SMARCA4: variants seen among roughly 807,000 people sequenced by gnomAD.
SMARCA4 encodes the protein SWI/SNF related BAF chromatin remodeling complex subunit ATPase 4.
Under a neutral mutation model 193.9 loss-of-function variants are expected in SMARCA4, and 31 were observed. The observed-to-expected ratio is 0.16, with a 90% CI of 0.12 to 0.22. The LOEUF is 0.22. Ranked by LOEUF, SMARCA4 falls within the 10% of genes least tolerant of loss-of-function variation. The pLI, the probability that SMARCA4 is intolerant of heterozygous loss-of-function variation, is 1.00. For missense variants in SMARCA4, 1,148 were observed against 2,296.0 expected (o/e 0.50, Z 10.22); for synonymous variants, 942 against 933.1 (o/e 1.01, Z -0.17).
chr19:10,980,149 T>C (rs2145663243), intron 1 of SMARCA4, among the ~76,000 whole-genome samples: 1 of 152,226 alleles, frequency 6.6e-6, no homozygotes, highest in Middle Eastern at 3.4e-3. Flanking sequence ...GGGATCCCCT[T>C]TACTGTCACT....
chr19:10,969,279 G>A (rs1445842921), intron 1 of SMARCA4, among the ~76,000 whole-genome samples: 1 of 152,102 alleles, frequency 6.6e-6, no homozygotes, highest in Non-Finnish European at 1.5e-5. Flanking sequence ...TTATGTTTTA[G>A]GTTTTACTTT....
chr19:10,970,385 G>C (rs1481064985), intron 1 of SMARCA4, among the ~76,000 whole-genome samples: 1 of 152,200 alleles, frequency 6.6e-6, no homozygotes, highest in African/African-American at 2.4e-5. Flanking sequence ...ACCCTGGGAT[G>C]TGCAAATGGC....
At chr19:11,035,651 G>A (rs1259362082) in intron 29 of SMARCA4, among the ~76,000 whole-genome samples, 3 of 152,246 alleles carry the variant, frequency 2.0e-5, no homozygotes, top group East Asian at 3.9e-4. Context: ...GGTGCTGCAC[G>A]GGGCTGGCAG....
chr19:11,044,450 A>G (rs561123454), intron 30 of SMARCA4, among the ~76,000 whole-genome samples: 98 of 152,264 alleles, frequency 6.4e-4, no homozygotes, highest in South Asian at 1.7e-3. Context: ...AAAAGACAAC[A>G]CAATTTAAAG....
Position 11,030,669 on chromosome 19 carries a change from G to C in SMARCA4, c.3383-61G>C, listed in dbSNP as rs146785959. ...CTGCTCTCAGAAGCAGGTGTTCCTT[G>C]GTGTCCCCACTCTACCCCTGAGGTC... is the stretch of plus-strand genomic sequence containing the variant. On this transcript the variant is annotated intron_variant, in intron 24 of 34. Transcript: ENST00000344626. The surrounding 1 kb of genome is among the most constrained non-coding windows in gnomAD (Gnocchi z 5.5). 12,379 of 1,487,454 alleles carry C rather than the reference G, an allele frequency of 8.3e-3. 70 individuals are homozygous for C. The highest frequency in any genetic ancestry group is 0.01 in the Non-Finnish European group (11,011 of 1,083,998). 92.1% of individuals were successfully genotyped at this position (1,487,454 alleles called of 1,614,324 possible).
Position 11,041,625 on chromosome 19 carries a change from C to T in SMARCA4, c.4424+65C>T, listed in dbSNP as rs2146827001. The T allele has an allele frequency of 1.4e-6, 2 of 1,425,364 alleles. No individual in the cohort carries two copies. The highest frequency in any genetic ancestry group is 1.2e-5 in the South Asian group (1 of 85,772). 88.3% of individuals were successfully genotyped at this position (1,425,364 alleles called of 1,614,324 possible). ...CCCGTGGGAGCAGGCCTGGCATCTG[C>T]ACTCTGACTCTGCACACTCAGGCTT... On this transcript the variant is annotated intron_variant, in intron 30 of 34. Coordinates refer to ENST00000344626, the MANE Select transcript of SMARCA4 (RefSeq NM_003072.5). The surrounding 1 kb of genome is among the most constrained non-coding windows in gnomAD (Gnocchi z 5.6).
rs961149271 is a variant in SMARCA4 at position 11,034,810 on chromosome 19, C to T, written c.3952-104C>T. 32 of 784,258 alleles carry T rather than the reference C, an allele frequency of 4.1e-5. No homozygotes were observed. The Admixed American group carries it at 6.2e-4, about 15-fold the overall frequency. 48.6% of individuals were successfully genotyped at this position (784,258 alleles called of 1,614,324 possible). A position where few individuals can be genotyped will look rare whatever the true frequency, so the allele number is the denominator to read the frequency against. Reference sequence around the variant, plus strand: ...TTTAACTCTCGCAGCAGCGTGGAGCCCCACGGGCAGAGAAAGGCCCTTCTG... The same window carrying T: ...TTTAACTCTCGCAGCAGCGTGGAGCTCCACGGGCAGAGAAAGGCCCTTCTG... On this transcript the variant is annotated intron_variant, in intron 28 of 34. Coordinates refer to ENST00000344626, the MANE Select transcript of SMARCA4 (RefSeq NM_003072.5). This position sits in a 1 kb window ranked among gnomAD's most constrained non-coding sequence, Gnocchi z 7.0.
At chr19:11,027,245 A>T (rs769986914) in intron 23 of SMARCA4, among the ~76,000 whole-genome samples, 2 of 152,194 alleles carry the variant, frequency 1.3e-5, no homozygotes, top group Non-Finnish European at 2.9e-5. Context: ...CCTGGCTTCA[A>T]GGCTGGGAGG....
chr19:11,010,558 G>C (rs374181545), intron 15 of SMARCA4, 27 bp downstream of exon 15: 1 of 1,608,054 alleles, frequency 6.2e-7, no homozygotes, highest in Non-Finnish European at 8.5e-7. Context: ...GGAGGCCACC[G>C]CCACGTAGCT....
chr19:11,003,560 A>G (rs1383490469), intron 13 of SMARCA4, among the ~76,000 whole-genome samples, 163 bp downstream of exon 13: 1 of 152,192 alleles, frequency 6.6e-6, no homozygotes, highest in African/African-American at 2.4e-5. Context: ...TGTCCTATCC[A>G]ATAGGGCAGC....
At chr19:11,061,492 C>T (rs1227797590) in intron 34 of SMARCA4, among the ~76,000 whole-genome samples, 1 of 152,036 alleles carries the variant, frequency 6.6e-6, no homozygotes, top group Non-Finnish European at 1.5e-5. Flanking sequence ...TCTCCTGCCT[C>T]AGCCTCCCAA....
chr19:10,971,283 A>T (rs2084650264), intron 1 of SMARCA4, among the ~76,000 whole-genome samples: 1 of 152,092 alleles, frequency 6.6e-6, no homozygotes, highest in African/African-American at 2.4e-5. Context: ...GGAATATGCC[A>T]AGCACAGTCC....
chr19:11,007,429 CAAA>C (rs1188457080), intron 13 of SMARCA4, among the ~76,000 whole-genome samples: 7 of 56,148 alleles, frequency 1.2e-4, no homozygotes, highest in Middle Eastern at 8.6e-3. Context: ...CACTTCGTCT[CAAA>C]AAAAAAAAAA....
chr19:11,019,255 C>T lies in SMARCA4; in HGVS notation c.2505+232C>T. The T allele has an allele frequency of 1.6e-6, 1 of 629,258 alleles. No homozygotes were observed. The highest frequency in any genetic ancestry group is 2.9e-6 in the Non-Finnish European group (1 of 348,160). The allele number at this position is 629,258 out of a possible 1,614,324, so 39.0% of individuals were successfully genotyped here. A position where few individuals can be genotyped will look rare whatever the true frequency, so the allele number is the denominator to read the frequency against. ...AGACAGGAGTGAGCATGGTGGCCAGCACTCAGAGGCCAGCTCAGGCGCCTG... is the reference window on the plus strand; with the variant it reads ...AGACAGGAGTGAGCATGGTGGCCAGTACTCAGAGGCCAGCTCAGGCGCCTG... On this transcript the variant is annotated intron_variant, in intron 17 of 34. Transcript: ENST00000344626. The surrounding 1 kb of genome is among the most constrained non-coding windows in gnomAD (Gnocchi z 6.1).
chr19:10,982,757 G>A lies in SMARCA4; in HGVS notation c.-31-1364G>A, dbSNP rs561051494. 6.6e-5 allele frequency among the ~76,000 whole-genome samples: 10 copies of A among 152,164 alleles called. No homozygotes were observed. The South Asian group carries it at 1.5e-3, about 22-fold the overall frequency. ...CTGACCTCGTGATCTGCCCGCCTTG[G>A]CCTCCCAAAGTGCTGGGATTACAGG... is the stretch of plus-strand genomic sequence containing the variant. On this transcript the variant is annotated intron_variant, in intron 1 of 34. Coordinates refer to ENST00000344626, the MANE Select transcript of SMARCA4 (RefSeq NM_003072.5).
At chr19:11,009,757 C>T (rs1001951195) in intron 14 of SMARCA4, among the ~76,000 whole-genome samples, 5 of 146,864 alleles carry the variant, frequency 3.4e-5, no homozygotes, top group South Asian at 2.1e-4. Flanking sequence ...GGCACGATCT[C>T]GGCTCTCTGC....
intron 9 of SMARCA4, 118 bp from the exon 10 acceptor site, chr19:10,996,095 G>A (rs2087012808): frequency 2.1e-6 from 2 of 967,018 alleles, no homozygotes; most frequent in Non-Finnish European, 3.4e-6. Context: ...AGGGCTGGTG[G>A]CACGGCACCC....
At chr19:10,982,855 T>C (rs940806622) in intron 1 of SMARCA4, among the ~76,000 whole-genome samples, 13 of 152,118 alleles carry the variant, frequency 8.5e-5, no homozygotes, top group Admixed American at 4.6e-4. Context: ...CTACACTTCT[T>C]ACAGAATTTA....
intron 11 of SMARCA4, among the ~76,000 whole-genome samples, chr19:10,999,673 C>T (rs971199364): frequency 1.3e-5 from 2 of 151,968 alleles, no homozygotes; most frequent in Non-Finnish European, 2.9e-5. Flanking sequence ...CAAAAAGAAT[C>T]TTGAGGTTAT....
Sources: gnomAD v4.1 joint callset for allele counts (sites outside exome capture counted in the v4.1 genomes callset) on GRCh38, gnomAD v4.1.1 for gene constraint, Gnocchi (gnomAD v3.1) non-coding constraint, MANE v1.5 for transcripts, NCBI Gene and HGNC (gene_info 2026-07-23, HGNC 2026-07-21) for gene names.